Variants in WDR48 observed in about 807,000 individuals in gnomAD.
WDR48 encodes WD repeat domain 48.
WDR48 carries 22 observed loss-of-function variants against 94.0 expected under a neutral mutation model. The observed-to-expected ratio is 0.23, with a 90% CI of 0.17 to 0.33. The LOEUF is 0.33. Among genes scored for constraint, WDR48 ranks in the 10% least tolerant of loss-of-function variants. The probability of loss-of-function intolerance (pLI) is 1.00; values close to 1 mark genes in which losing one functional copy is unlikely to be tolerated. For synonymous variants in WDR48, 278 were observed against 280.5 expected (o/e 0.99, Z 0.09); for missense variants, 541 against 813.8 (o/e 0.66, Z 4.08).
At chr3:39,054,661 T>TA (rs2032735266) in intron 1 of WDR48, among the ~76,000 whole-genome samples, 2 of 152,236 alleles carry the variant, frequency 1.3e-5, no homozygotes, top group African/African-American at 4.8e-5. Flanking sequence ...TGTCCCTACT[T>TA]ATGCAAGGGT....
chr3:39,084,211 A>C lies in WDR48; in HGVS notation c.1230A>C (p.Arg410Ser), dbSNP rs373375510. 1.9e-6 allele frequency: 3 copies of C among 1,612,824 alleles called. No homozygotes were observed. The African/African-American group carries it at 4.0e-5, about 22-fold the overall frequency. ...KVDFEDEIKK[R>S]FKMVYVPNWF... ...ATTTTGAAGATGAAATTAAGAAAAG[A>C]TTTAAAATGGTGTATGTGCCAAATT... The change falls in exon 12 of 19, where the codon AGA becomes AGC. Residue 410 changes from arginine to serine, a missense_variant. Physicochemically the swap from Arg to Ser is moderately radical, Grantham distance 110. Transcript: ENST00000302313.
intron 8 of WDR48, among the ~76,000 whole-genome samples, chr3:39,075,838 C>A (rs907835090): frequency 6.6e-6 from 1 of 151,906 alleles, no homozygotes; most frequent in Admixed American, 6.6e-5. Context: ...GGACTATAGG[C>A]ACCCACCACC....
At chr3:39,057,436 T>G (rs1276331569) in intron 1 of WDR48, among the ~76,000 whole-genome samples, 1 of 152,208 alleles carries the variant, frequency 6.6e-6, no homozygotes, top group Non-Finnish European at 1.5e-5. Flanking sequence ...CTGTTTTTCA[T>G]TACAGTCATT....
At chr3:39,066,965 C>G in intron 5 of WDR48, 90 bp downstream of exon 5, 1 of 1,453,648 alleles carries the variant, frequency 6.9e-7, no homozygotes, top group Admixed American at 2.0e-5. Flanking sequence ...AGGTTTGCAT[C>G]GAGAGAGTGT....
chr3:39,085,608 A>G lies in WDR48; in HGVS notation c.1472A>G (p.His491Arg), dbSNP rs984820885. 16 of 1,608,068 alleles carry G rather than the reference A, an allele frequency of 9.9e-6. No homozygotes were observed. The highest frequency in any genetic ancestry group is 8.5e-5 in the Admixed American group (5 of 58,532). Residue 491 changes from histidine to arginine, a missense_variant and splice_region_variant, in exon 14 of 19, where the codon CAT becomes CGT. By Grantham distance (29) the His-to-Arg change is conservative (BLOSUM62 0). Transcript: ENST00000302313. ...PMDEEENEVN[H>R]VNGEQENRVQ... Reference sequence around the variant, plus strand: ...GATGAAGAGGAAAATGAAGTAAACCATGGTTAGTTTTTATATTCAGATAGT... The same window carrying G: ...GATGAAGAGGAAAATGAAGTAAACCGTGGTTAGTTTTTATATTCAGATAGT...
chr3:39,080,913 CAG>C (rs1028577247), intron 11 of WDR48, among the ~76,000 whole-genome samples: 4 of 152,284 alleles, frequency 2.6e-5, no homozygotes, highest in East Asian at 1.9e-4. Context: ...AAGGAAGTAA[CAG>C]GGGTGTAAGA....
At chr3:39,055,605 A>G (rs183101721) in intron 1 of WDR48, among the ~76,000 whole-genome samples, 174 of 152,388 alleles carry the variant, frequency 1.1e-3, no homozygotes, top group Non-Finnish European at 2.0e-3. Context: ...TAGGAAAACT[A>G]GAGATACGAG....
rs2033629662 is a variant in WDR48 at position 39,066,701 on chromosome 3, TTACTGATCTACA to T, written c.352-44_352-33del. The T allele has an allele frequency of 4.3e-6, 7 of 1,613,516 alleles. No individual in the cohort carries two copies. In the East Asian group the frequency reaches 1.6e-4, roughly 36 times the overall value. ...TCAGTACTTTGTGTGGCTCATTTTATTACTGATCTACAGAATAGATCATAGTATGTCTGTTCT... is the reference window on the plus strand; with the variant it reads ...TCAGTACTTTGTGTGGCTCATTTTATGAATAGATCATAGTATGTCTGTTCT... On this transcript the variant is annotated intron_variant, in intron 4 of 18. Coordinates refer to ENST00000302313, the MANE Select transcript of WDR48 (RefSeq NM_020839.4).
At chr3:39,073,169 C>T (rs2034031543) in intron 7 of WDR48, among the ~76,000 whole-genome samples, 1 of 152,200 alleles carries the variant, frequency 6.6e-6, no homozygotes, top group Non-Finnish European at 1.5e-5. Flanking sequence ...AATAACACCT[C>T]TTCCTGGAAT....
rs536870254 is a variant in WDR48 at position 39,070,903 on chromosome 3, G to C, written c.672+1159G>C. Among the ~76,000 whole-genome samples the C allele has an allele frequency of 1.3e-4, 19 of 151,990 alleles. No individual in the cohort carries two copies. In the South Asian group the frequency reaches 3.1e-3, roughly 25 times the overall value. ...TGTGTCCATGTGTTCTTATTGTTCA[G>C]TTCCCACCTATGAGTGAGAATATGC... On this transcript the variant is annotated intron_variant, in intron 7 of 18. Transcript: ENST00000302313.
rs2034423070 is a variant in WDR48 at position 39,079,771 on chromosome 3, A to G, written c.1136A>G (p.Asp379Gly). ...LNDKRHILTK[D>G]TNNNVAYWDV... ...GATAAGAGACATATATTAACCAAAG[A>G]TACCAATAATAATGTGGCATATTGG... Residue 379 changes from aspartate to glycine, a missense_variant, in exon 11 of 19, where the codon GAT becomes GGT. By Grantham distance (94) the Asp-to-Gly change is moderately conservative. Coordinates refer to ENST00000302313, the MANE Select transcript of WDR48 (RefSeq NM_020839.4). 6.4e-7 allele frequency: 1 copy of G among 1,557,406 alleles called. No homozygotes were observed. Among genetic ancestry groups the G allele is most frequent in the Non-Finnish European group, 8.6e-7 (1 of 1,159,230 alleles).
At chr3:39,077,332 G>A (rs534610837) in intron 9 of WDR48, 119 bp downstream of exon 9, 75 of 964,352 alleles carry the variant, frequency 7.8e-5, no homozygotes, top group Admixed American at 2.5e-4. Context: ...TTGGGCAGGG[G>A]CAAAAACCTG....
intron 18 of WDR48, 89 bp downstream of exon 18, chr3:39,094,155 T>C: frequency 6.6e-7 from 1 of 1,512,050 alleles, no homozygotes; most frequent in Non-Finnish European, 8.8e-7. Flanking sequence ...GCTTCTACTT[T>C]TAGAGGGGCT....
At chr3:39,066,397 A>G (rs942740180) in intron 3 of WDR48, 151 bp from the exon 4 acceptor site, 1 of 657,052 alleles carries the variant, frequency 1.5e-6, no homozygotes, top group African/African-American at 1.8e-5. Flanking sequence ...GAGGCAATAT[A>G]CAATAGGTTC....
intron 1 of WDR48, among the ~76,000 whole-genome samples, chr3:39,053,103 C>A (rs899389102): frequency 1.3e-5 from 2 of 152,172 alleles, no homozygotes; most frequent in Admixed American, 6.5e-5. Flanking sequence ...TGTTTGCCTG[C>A]AGGTATATTG....
chr3:39,092,602 A>G (rs2035136971), intron 17 of WDR48, among the ~76,000 whole-genome samples: 1 of 152,212 alleles, frequency 6.6e-6, no homozygotes, highest in African/African-American at 2.4e-5. Flanking sequence ...TAAACACCAG[A>G]AACTTTTGAG....
chr3:39,085,221 T>C (rs775187636), intron 13 of WDR48, among the ~76,000 whole-genome samples: 24 of 141,658 alleles, frequency 1.7e-4, no homozygotes, highest in Non-Finnish European at 3.1e-4. Context: ...AGCGAGACTC[T>C]ATCTCAAAAA....
At chr3:39,078,680 A>G (rs2125668170) in intron 10 of WDR48, among the ~76,000 whole-genome samples, 1 of 151,736 alleles carries the variant, frequency 6.6e-6, no homozygotes. Context: ...CAGCCTCCCA[A>G]AGTACTGGGA....
chr3:39,066,503 T>C (rs2033618068), intron 3 of WDR48, 45 bp from the exon 4 acceptor site: 4 of 1,539,328 alleles, frequency 2.6e-6, no homozygotes, highest in Non-Finnish European at 3.6e-6. Flanking sequence ...TTCAAAGTTT[T>C]AAGTCATACT....
Sources: allele counts gnomAD v4.1 joint callset (sites outside exome capture counted in the v4.1 genomes callset), GRCh38; gene constraint gnomAD v4.1.1; transcripts MANE v1.5; gene names NCBI Gene and HGNC (gene_info 2026-07-23, HGNC 2026-07-21).